HAUS2: variants seen among roughly 807,000 people sequenced by gnomAD.
HAUS2 encodes HAUS augmin-like complex subunit 2.
HAUS2 carries 20 observed loss-of-function variants against 21.6 expected under a neutral mutation model. The observed-to-expected ratio is 0.93, with a 90% CI of 0.65 to 1.35. The LOEUF is 1.35. Among genes scored for constraint, HAUS2 ranks in the 40% most tolerant of loss-of-function variants. The pLI, the probability that HAUS2 is intolerant of heterozygous loss-of-function variation, is 0.00. For missense variants in HAUS2, 297 were observed against 280.7 expected (o/e 1.06, Z -0.42); for synonymous variants, 113 against 95.6 (o/e 1.18, Z -1.06).
intron 3 of HAUS2, chr15:42,561,013 C>A: frequency 3.5e-6 from 2 of 576,640 alleles, no homozygotes; most frequent in Non-Finnish European, 3.1e-6. Flanking sequence ...ATGAGAAACA[C>A]AGAGAAAGAA....
At chr15:42,561,611 G>A in intron 4 of HAUS2, 1 of 439,158 alleles carries the variant, frequency 2.3e-6, no homozygotes, top group Admixed American at 3.7e-5. Flanking sequence ...TCGTGTTTTG[G>A]GAATTATAAA....
chr15:42,554,740 T>G (rs1251391240), intron 1 of HAUS2, among the ~76,000 whole-genome samples: 1 of 151,784 alleles, frequency 6.6e-6, no homozygotes, highest in Non-Finnish European at 1.5e-5. Context: ...ATCTACCCCC[T>G]CGGCCTCCCA....
At chr15:42,553,285 TA>T (rs2057743137) in intron 1 of HAUS2, among the ~76,000 whole-genome samples, 1 of 152,100 alleles carries the variant, frequency 6.6e-6, no homozygotes, top group Non-Finnish European at 1.5e-5. Context: ...ATATTAAGTA[TA>T]AAGGTTCTGG....
rs1383541234 is a variant in HAUS2, at chr15:42,565,391, G to A, written c.499-1216G>A. On this transcript the variant is annotated intron_variant, in intron 5 of 5. Transcript: ENST00000260372. The stretch of plus-strand genomic sequence containing the variant: ...TGAGTATTGGGGAGCCATTGAATGT[G>A]TGTGTGTGTGTGTGTGTGTGTGTGT... 6.4e-5 allele frequency among the ~76,000 whole-genome samples: 6 copies of A among 93,772 alleles called. No individual in the cohort carries two copies. In the East Asian group the frequency reaches 9.5e-4, roughly 15 times the overall value. The allele number at this position is 93,772 out of a possible 152,430, so 61.5% of individuals were successfully genotyped here.
intron 5 of HAUS2, among the ~76,000 whole-genome samples, 182 bp downstream of exon 5, chr15:42,564,039 G>A (rs1185490579): frequency 6.6e-6 from 1 of 152,074 alleles, no homozygotes; most frequent in Non-Finnish European, 1.5e-5. Context: ...GCCACAACGG[G>A]TGGATCACTT....
At chr15:42,555,595 A>G (rs1469356636) in intron 1 of HAUS2, among the ~76,000 whole-genome samples, 1 of 152,134 alleles carries the variant, frequency 6.6e-6, no homozygotes, top group Non-Finnish European at 1.5e-5. Flanking sequence ...TTTCACATAT[A>G]TGCTAACACT....
chr15:42,560,873 A>G lies in HAUS2; in HGVS notation c.257-397A>G, dbSNP rs1263670929. ...CTCCCAAAACACTGCGATTACAGGTATGAGCTAGAGCACCAGCTAAGGTGA... is the reference window on the plus strand; with the variant it reads ...CTCCCAAAACACTGCGATTACAGGTGTGAGCTAGAGCACCAGCTAAGGTGA... On this transcript the variant is annotated intron_variant, in intron 3 of 5. Transcript: ENST00000260372. 3 of 702,030 alleles carry G rather than the reference A, an allele frequency of 4.3e-6. No homozygotes were observed. In the Admixed American group the frequency reaches 6.0e-5, roughly 14 times the overall value. The allele number at this position is 702,030 out of a possible 1,614,324, so 43.5% of individuals were successfully genotyped here. A position where few individuals can be genotyped will look rare whatever the true frequency, so the allele number is the denominator to read the frequency against.
At chr15:42,563,374 T>C (rs2057869823) in intron 4 of HAUS2, among the ~76,000 whole-genome samples, 1 of 143,964 alleles carries the variant, frequency 6.9e-6, no homozygotes, top group Non-Finnish European at 1.5e-5. Context: ...ATTGCACCAC[T>C]GTGCTCCAGC....
intron 3 of HAUS2, among the ~76,000 whole-genome samples, chr15:42,561,031 C>T (rs1489618980): frequency 6.6e-6 from 1 of 151,958 alleles, no homozygotes; most frequent in African/African-American, 2.4e-5. Context: ...GAATTTAGCA[C>T]TAGATTTGGT....
chr15:42,560,907 C>A, intron 3 of HAUS2: 1 of 695,996 alleles, frequency 1.4e-6, no homozygotes, highest in South Asian at 1.5e-5. Flanking sequence ...GACTCTTTTT[C>A]GATGGTCTTT....
Position 42,566,859 on chromosome 15 carries a change from G to T in HAUS2, c.*43G>T, listed in dbSNP as rs2057912424. The T allele has an allele frequency of 2.1e-6, 2 of 932,230 alleles. No homozygotes were observed. Among genetic ancestry groups the T allele is most frequent in the South Asian group, 2.7e-5 (2 of 73,610 alleles). The allele number at this position is 932,230 out of a possible 1,614,324, so 57.7% of individuals were successfully genotyped here. A position where few individuals can be genotyped will look rare whatever the true frequency, so the allele number is the denominator to read the frequency against. On this transcript the variant is annotated 3_prime_UTR_variant, in exon 6 of 6. Transcript: ENST00000260372. ...GCTTAATTATGTGTAGTCATATGAA[G>T]TCTATTTCTAGTTGACTGTAACATG...
At chr15:42,552,291 C>T (rs1291444711) in intron 1 of HAUS2, among the ~76,000 whole-genome samples, 2 of 151,946 alleles carry the variant, frequency 1.3e-5, no homozygotes, top group Admixed American at 6.6e-5. Flanking sequence ...CCCAAAGTGC[C>T]GGGATTACAG....
At chr15:42,558,156 T>A (rs2141598319) in intron 1 of HAUS2, 42 bp from the exon 2 acceptor site, 1 of 863,832 alleles carries the variant, frequency 1.2e-6, no homozygotes, top group East Asian at 2.4e-5. Context: ...CCTAGAAACT[T>A]TTTGTGACAT....
rs572254659 is a variant in HAUS2 at position 42,567,629 on chromosome 15, G to C, written c.*813G>C. The C allele has an allele frequency of 6.6e-6, 1 of 152,342 alleles. No individual in the cohort carries two copies. The highest frequency in any genetic ancestry group is 6.5e-5 in the Admixed American group (1 of 15,298). The allele number at this position is 152,342 out of a possible 1,614,324, so 9.4% of individuals were successfully genotyped here. A position where few individuals can be genotyped will look rare whatever the true frequency, so the allele number is the denominator to read the frequency against. On this transcript the variant is annotated 3_prime_UTR_variant, in exon 6 of 6. Coordinates refer to ENST00000260372, the MANE Select transcript of HAUS2 (RefSeq NM_018097.3). Reference sequence around the variant, plus strand: ...CGACCCAGATGGGTGGATCACCTGAGGTCAGGAGTTTGAGACCAGCCTTGA... The same window carrying C: ...CGACCCAGATGGGTGGATCACCTGACGTCAGGAGTTTGAGACCAGCCTTGA...
At chr15:42,552,939 C>G (rs895919247) in intron 1 of HAUS2, among the ~76,000 whole-genome samples, 7 of 151,156 alleles carry the variant, frequency 4.6e-5, no homozygotes, top group Non-Finnish European at 1.0e-4. Flanking sequence ...GAGTGCCCAC[C>G]AATTACAAGT....
At chr15:42,558,795 A>G (rs2057817204) in intron 2 of HAUS2, among the ~76,000 whole-genome samples, 1 of 151,986 alleles carries the variant, frequency 6.6e-6, no homozygotes, top group Non-Finnish European at 1.5e-5. Context: ...CCGTCTCTAC[A>G]AAAAATTTTA....
intron 3 of HAUS2, chr15:42,560,871 G>A: frequency 4.3e-6 from 3 of 701,914 alleles, no homozygotes; most frequent in South Asian, 1.5e-5. Context: ...GCGATTACAG[G>A]TATGAGCTAG....
At chr15:42,565,321 T>C (rs1189795097) in intron 5 of HAUS2, among the ~76,000 whole-genome samples, 1 of 152,110 alleles carries the variant, frequency 6.6e-6, no homozygotes, top group Non-Finnish European at 1.5e-5. Context: ...GGTTAGTTTA[T>C]GCAGTGCCTT....
intron 1 of HAUS2, among the ~76,000 whole-genome samples, chr15:42,554,968 T>C (rs1595547657): frequency 6.7e-6 from 1 of 148,530 alleles, no homozygotes; most frequent in Admixed American, 6.7e-5. Flanking sequence ...GCTGGGACTA[T>C]AGGCACATGT....
Sources: allele counts gnomAD v4.1 joint callset (sites outside exome capture counted in the v4.1 genomes callset), GRCh38; gene constraint gnomAD v4.1.1; transcripts MANE v1.5; gene names NCBI Gene and HGNC (gene_info 2026-07-23, HGNC 2026-07-21).